CAGE1: variants seen among roughly 807,000 people sequenced by gnomAD.
The protein encoded by CAGE1 is cancer antigen 1, also known as cancer-associated gene 1 protein.
Under a neutral mutation model 94.9 loss-of-function variants are expected in CAGE1, and 66 were observed. The observed-to-expected ratio is 0.70, with a 90% CI of 0.57 to 0.85. The LOEUF (loss-of-function observed/expected upper bound fraction) is 0.85. CAGE1 is among the 40% of genes least tolerant of loss of function. CAGE1 has a pLI of 0.00. For synonymous variants in CAGE1, 319 were observed against 321.0 expected, an observed-to-expected ratio of 0.99 and a Z score of 0.07; for missense variants, 865 against 950.4, an observed-to-expected ratio of 0.91 and a Z score of 1.18.
chr6:7,328,906 GTGTGTGTGTGTGTATA>G (rs1421684464), intron 13 of CAGE1, among the ~76,000 whole-genome samples: 9,502 of 100,724 alleles, frequency 0.094, 482 homozygotes, highest in Non-Finnish European at 0.12. Context: ...GTGTGTGTGT[GTGTGTGTGTGTGTATA>G]TATATATATA....
intron 3 of CAGE1, among the ~76,000 whole-genome samples, chr6:7,381,819 G>A (rs1173713335): frequency 1.3e-5 from 2 of 151,094 alleles, no homozygotes; most frequent in Non-Finnish European, 2.9e-5. Context: ...GTGAGCCACT[G>A]TGCCCGGCCT....
chr6:7,382,416 G>A (rs1760969693), intron 3 of CAGE1, among the ~76,000 whole-genome samples: 2 of 150,524 alleles, frequency 1.3e-5, no homozygotes, highest in Non-Finnish European at 3.0e-5. Flanking sequence ...ATTCTCCTGC[G>A]TCAGCCTCCT....
chr6:7,343,284 T>C (rs1484960082), intron 11 of CAGE1, among the ~76,000 whole-genome samples: 1 of 152,196 alleles, frequency 6.6e-6, no homozygotes, highest in African/African-American at 2.4e-5. Context: ...ATGTTGTTTT[T>C]ACTATATACT....
At chr6:7,341,527 G>A (rs1759174446) in intron 11 of CAGE1, 1 of 1,229,100 alleles carries the variant, frequency 8.1e-7, no homozygotes. Context: ...AAGATTCTGA[G>A]GGTTGATTAG....
intron 9 of CAGE1, among the ~76,000 whole-genome samples, chr6:7,356,759 GA>G: frequency 6.6e-6 from 1 of 152,192 alleles, no homozygotes; most frequent in Middle Eastern, 3.4e-3. Context: ...CTATAAACAT[GA>G]AATAACAATG....
chr6:7,366,903 G>GA (rs1268599147), intron 7 of CAGE1, among the ~76,000 whole-genome samples: 5 of 151,832 alleles, frequency 3.3e-5, no homozygotes, highest in Non-Finnish European at 7.4e-5. Context: ...TTTCCTTAAA[G>GA]AAAAAAATTA....
chr6:7,385,330 G>T (rs939697149), intron 3 of CAGE1, among the ~76,000 whole-genome samples: 2 of 151,604 alleles, frequency 1.3e-5, no homozygotes, highest in South Asian at 2.1e-4. Context: ...TAAGAGACAG[G>T]TTCTCCTTCT....
chr6:7,366,522 T>C (rs746721965), intron 7 of CAGE1, among the ~76,000 whole-genome samples: 49 of 152,092 alleles, frequency 3.2e-4, no homozygotes, highest in Non-Finnish European at 7.4e-5. Flanking sequence ...GGTCTGGAAT[T>C]TTGGTACGCA....
chr6:7,382,263 G>A (rs369820353), intron 3 of CAGE1, among the ~76,000 whole-genome samples: 29 of 151,712 alleles, frequency 1.9e-4, no homozygotes, highest in African/African-American at 6.8e-4. Context: ...CCATACAGAC[G>A]TTTTCTTAAT....
intron 11 of CAGE1, among the ~76,000 whole-genome samples, chr6:7,348,278 T>A (rs978709701): frequency 2.6e-5 from 4 of 152,138 alleles, no homozygotes; most frequent in Non-Finnish European, 5.9e-5. Flanking sequence ...AGTACCAGCC[T>A]GGTGCCAGGT....
intron 11 of CAGE1, among the ~76,000 whole-genome samples, chr6:7,349,967 G>GAAAAAAA (rs201312881): frequency 7.3e-6 from 1 of 136,664 alleles, no homozygotes; most frequent in South Asian, 2.3e-4. Context: ...AAAGAAAGAA[G>GAAAAAAA]AAAAAAAAAG....
At chr6:7,337,756 T>C (rs991970035) in intron 11 of CAGE1, among the ~76,000 whole-genome samples, 5 of 152,230 alleles carry the variant, frequency 3.3e-5, no homozygotes, top group Admixed American at 3.3e-4. Context: ...TTGATTATTG[T>C]AGCTCTATAA....
chr6:7,349,982 CATCAACCAACT>C (rs1759712200), intron 11 of CAGE1, among the ~76,000 whole-genome samples: 1 of 150,308 alleles, frequency 6.7e-6, no homozygotes, highest in Non-Finnish European at 1.5e-5. Context: ...AAAAAGAACT[CATCAACCAACT>C]ATCTGCTGCC....
intron 11 of CAGE1, among the ~76,000 whole-genome samples, chr6:7,340,049 G>A (rs898134633): frequency 6.6e-6 from 1 of 152,178 alleles, no homozygotes; most frequent in African/African-American, 2.4e-5. Context: ...GTGTAGAAGT[G>A]TTCCCTTTTT....
At chr6:7,329,361 G>T (rs1758660241) in intron 13 of CAGE1, 1 of 341,318 alleles carries the variant, frequency 2.9e-6, no homozygotes, top group South Asian at 1.5e-4. Flanking sequence ...GCAGTGAACG[G>T]TAAGACTGGA....
intron 11 of CAGE1, among the ~76,000 whole-genome samples, chr6:7,345,423 A>C (rs1002482234): frequency 6.6e-6 from 1 of 152,204 alleles, no homozygotes; most frequent in East Asian, 1.9e-4. Flanking sequence ...CCCTCACTGC[A>C]GGGGTCTGTG....
At chr6:7,365,942 T>A in intron 7 of CAGE1, 58 bp from the exon 8 acceptor site, 1 of 1,049,658 alleles carries the variant, frequency 9.5e-7, no homozygotes, top group Non-Finnish European at 1.4e-6. Context: ...GCTCTAATAT[T>A]TATAATAAAA....
chr6:7,329,005 C>T (rs1758644688), intron 13 of CAGE1: 1 of 181,484 alleles, frequency 5.5e-6, no homozygotes, highest in African/African-American at 2.4e-5. Context: ...GATCTTGGCT[C>T]ACTGCAACTT....
At chr6:7,385,598 T>C (rs1384554701) in intron 3 of CAGE1, among the ~76,000 whole-genome samples, 187 bp downstream of exon 3, 2 of 152,244 alleles carry the variant, frequency 1.3e-5, no homozygotes, top group East Asian at 1.9e-4. Flanking sequence ...TTTCCTTATC[T>C]GTAAAATGAA....
Sources: allele counts gnomAD v4.1 joint callset (sites outside exome capture counted in the v4.1 genomes callset), GRCh38; gene constraint gnomAD v4.1.1; transcripts MANE v1.5; gene names NCBI Gene and HGNC (gene_info 2026-07-23, HGNC 2026-07-21).